The following SLC30A7 variants were observed in gnomAD, a reference collection of about 807,000 sequenced individuals.
SLC30A7 encodes the protein zinc transporter 7.
A neutral mutation model predicts 46.0 loss-of-function variants in SLC30A7; 35 were observed. The observed-to-expected ratio is 0.76, with a 90% CI of 0.58 to 1.01. The LOEUF is 1.01. Ranked by LOEUF, SLC30A7 falls within the 50% of genes least tolerant of loss-of-function variation. The pLI, the probability that SLC30A7 is intolerant of heterozygous loss-of-function variation, is 0.00. For missense variants in SLC30A7, 464 were observed against 451.1 expected (o/e 1.03, Z -0.26); for synonymous variants, 147 against 157.8 (o/e 0.93, Z 0.51).
chr1:100,907,391 T>C (rs1376396806), intron 3 of SLC30A7, among the ~76,000 whole-genome samples: 1 of 152,220 alleles, frequency 6.6e-6, no homozygotes, highest in East Asian at 1.9e-4. Flanking sequence ...AGTTCTTATA[T>C]GCTTGCCGAG....
intron 2 of SLC30A7, among the ~76,000 whole-genome samples, 162 bp downstream of exon 2, chr1:100,896,833 G>A (rs998407913): frequency 6.6e-6 from 1 of 152,066 alleles, no homozygotes; most frequent in African/African-American, 2.4e-5. Context: ...AATCTGGTAG[G>A]GCTACAGTTC....
chr1:100,963,465 TGGAGAG>T (rs1014142684), intron 9 of SLC30A7, among the ~76,000 whole-genome samples: 4 of 152,136 alleles, frequency 2.6e-5, no homozygotes, highest in African/African-American at 9.7e-5. Flanking sequence ...ATTGGAGTGT[TGGAGAG>T]GGGAGCATGA....
At chr1:100,902,448 CAT>C (rs1285920324) in intron 2 of SLC30A7, among the ~76,000 whole-genome samples, 3 of 151,824 alleles carry the variant, frequency 2.0e-5, no homozygotes, top group South Asian at 4.2e-4. Context: ...ATGTTGGGTG[CAT>C]ATAAAGTAAA....
chr1:100,916,195 A>G (rs925211297), intron 6 of SLC30A7, among the ~76,000 whole-genome samples: 1 of 150,592 alleles, frequency 6.6e-6, no homozygotes, highest in African/African-American at 2.4e-5. Flanking sequence ...TTATTTATTT[A>G]TTTATTTTTG....
chr1:100,900,804 G>A (rs1383466120), intron 2 of SLC30A7, among the ~76,000 whole-genome samples: 1 of 152,036 alleles, frequency 6.6e-6, no homozygotes, highest in Non-Finnish European at 1.5e-5. Context: ...AGGGATTTCT[G>A]AATTATGATG....
chr1:100,930,128 G>C (rs1307894655), intron 8 of SLC30A7, among the ~76,000 whole-genome samples: 1 of 151,916 alleles, frequency 6.6e-6, no homozygotes, highest in Non-Finnish European at 1.5e-5. Flanking sequence ...TTACTGGTGT[G>C]ATATTTCTGA....
At chr1:100,989,069 A>G in the SLC30A7 span, among the ~76,000 whole-genome samples, 1 of 152,168 alleles carries the variant, frequency 6.6e-6, no homozygotes, top group Non-Finnish European at 1.5e-5. Context: ...GAGTTGAACC[A>G]ACTGAACTAG....
intron 8 of SLC30A7, among the ~76,000 whole-genome samples, chr1:100,955,826 G>A (rs1452199869): frequency 1.3e-5 from 2 of 151,926 alleles, no homozygotes; most frequent in Admixed American, 6.6e-5. Flanking sequence ...ATAGAAATTG[G>A]CCTTGTTCTA....
At chr1:100,921,949 G>GTTT in intron 8 of SLC30A7, 108 bp downstream of exon 8, 1 of 663,020 alleles carries the variant, frequency 1.5e-6, no homozygotes, top group Admixed American at 4.5e-5. Context: ...TCCTTTGCTT[G>GTTT]CTTTTTTTTT....
intron 8 of SLC30A7, among the ~76,000 whole-genome samples, chr1:100,946,234 A>G: frequency 6.6e-6 from 1 of 152,226 alleles, no homozygotes; most frequent in East Asian, 1.9e-4. Flanking sequence ...ATCTGCAAAC[A>G]GGGACAATTT....
At position 100,970,287 on chromosome 1, in the gene SLC30A7, T is replaced by G. The variant is rs563802975; in HGVS notation, c.1083+4369T>G. ...GTTAAAAATTGTTTTGTTAAAACTT[T>G]TATGAGGATAACTTTAAACTGAGAA... On this transcript the variant is annotated intron_variant, in intron 10 of 10. Coordinates refer to ENST00000357650, the MANE Select transcript of SLC30A7 (RefSeq NM_133496.5). Among the ~76,000 whole-genome samples, 6 of 152,280 alleles carry G rather than the reference T, an allele frequency of 3.9e-5. No individual in the cohort carries two copies. The South Asian group carries it at 1.2e-3, about 32-fold the overall frequency.
intron 7 of SLC30A7, among the ~76,000 whole-genome samples, chr1:100,919,655 C>T (rs1368992641): frequency 6.6e-6 from 1 of 152,054 alleles, no homozygotes; most frequent in Non-Finnish European, 1.5e-5. Context: ...AAAGTCATCA[C>T]AAGTTGGAGG....
chr1:100,994,774 G>A, the SLC30A7 span, among the ~76,000 whole-genome samples: 1 of 152,098 alleles, frequency 6.6e-6, no homozygotes, highest in Admixed American at 6.5e-5. Context: ...CAATCCACCT[G>A]CCTCAGCCTC....
At chr1:100,948,332 T>A (rs539768892) in intron 8 of SLC30A7, among the ~76,000 whole-genome samples, 231 of 152,338 alleles carry the variant, frequency 1.5e-3, no homozygotes, top group African/African-American at 5.3e-3. Flanking sequence ...AAATTCTGGG[T>A]TGAAAATTCT....
chr1:100,958,898 T>C (rs1655388474), intron 8 of SLC30A7, among the ~76,000 whole-genome samples: 1 of 152,240 alleles, frequency 6.6e-6, no homozygotes, highest in East Asian at 1.9e-4. Flanking sequence ...ATTTTTTTCA[T>C]AGGAACACAG....
chr1:100,906,752 T>C, intron 2 of SLC30A7, 100 bp from the exon 3 acceptor site: 1 of 765,710 alleles, frequency 1.3e-6, no homozygotes, highest in East Asian at 2.6e-5. Context: ...TTTTAGATGG[T>C]TAATTCCTGA....
chr1:100,961,562 C>T (rs1655554217), intron 8 of SLC30A7, among the ~76,000 whole-genome samples: 1 of 152,154 alleles, frequency 6.6e-6, no homozygotes, highest in East Asian at 1.9e-4. Context: ...TGAAAATGTG[C>T]TGGGTTTAGA....
At chr1:100,992,671 A>C in the SLC30A7 span, 6 of 1,613,866 alleles carry the variant, frequency 3.7e-6, no homozygotes, top group African/African-American at 5.3e-5. Context: ...GATTTTGAAC[A>C]ATCTCCAGAA....
intron 5 of SLC30A7, 56 bp from the exon 6 acceptor site, chr1:100,913,607 A>ATTT: frequency 7.7e-7 from 1 of 1,292,818 alleles, no homozygotes; most frequent in Non-Finnish European, 1.1e-6. Flanking sequence ...GTATAATTGT[A>ATTT]ACCATTTATA....
Sources: gnomAD v4.1 joint callset for allele counts (sites outside exome capture counted in the v4.1 genomes callset) on GRCh38, gnomAD v4.1.1 for gene constraint, MANE v1.5 for transcripts, NCBI Gene and HGNC (gene_info 2026-07-23, HGNC 2026-07-21) for gene names.